Variants in RALGAPA2 observed in about 807,000 individuals in gnomAD.
RALGAPA2 encodes the protein ral GTPase-activating protein subunit alpha-2.
In RALGAPA2, 139 loss-of-function variants were observed where a neutral mutation model predicts 230.4. The observed-to-expected ratio is 0.60, with a 90% CI of 0.53 to 0.69. The LOEUF is 0.69. RALGAPA2 is among the 30% of genes least tolerant of loss of function. The probability of loss-of-function intolerance (pLI) is 0.00; values close to 1 mark genes in which losing one functional copy is unlikely to be tolerated. For missense variants in RALGAPA2, 2,163 were observed against 2,276.0 expected (o/e 0.95, Z 1.01); for synonymous variants, 847 against 837.8 (o/e 1.01, Z -0.19).
At chr20:20,676,767 G>A (rs1335288336) in intron 2 of RALGAPA2, among the ~76,000 whole-genome samples, 1 of 152,056 alleles carries the variant, frequency 6.6e-6, no homozygotes, top group East Asian at 1.9e-4. Flanking sequence ...TACCATTTTC[G>A]GTCCTCTCTG....
chr20:20,457,991 T>C (rs2061163551), intron 37 of RALGAPA2, among the ~76,000 whole-genome samples: 1 of 152,104 alleles, frequency 6.6e-6, no homozygotes, highest in Non-Finnish European at 1.5e-5. Flanking sequence ...GGGCCCCTGG[T>C]GAGGGTGAGC....
chr20:20,512,242 C>CACACAT (rs1556256091), intron 32 of RALGAPA2, among the ~76,000 whole-genome samples: 1 of 116,466 alleles, frequency 8.6e-6, no homozygotes, highest in African/African-American at 3.3e-5. Context: ...CACACACATA[C>CACACAT]ACACACACAC....
intron 37 of RALGAPA2, among the ~76,000 whole-genome samples, chr20:20,464,432 C>G (rs766613928): frequency 7.9e-5 from 12 of 152,212 alleles, no homozygotes; most frequent in Non-Finnish European, 1.2e-4. Context: ...TAAATGGACT[C>G]TGACAATGAA....
intron 16 of RALGAPA2, among the ~76,000 whole-genome samples, chr20:20,598,202 T>C (rs2065521202): frequency 1.3e-5 from 2 of 152,226 alleles, no homozygotes; most frequent in Non-Finnish European, 1.5e-5. Context: ...ATTTCAATAG[T>C]ATAAATCTAT....
At chr20:20,506,524 A>T (rs1454634923) in intron 33 of RALGAPA2, among the ~76,000 whole-genome samples, 1 of 152,198 alleles carries the variant, frequency 6.6e-6, no homozygotes, top group Non-Finnish European at 1.5e-5. Context: ...TTCATTCCCT[A>T]GCCCAATCAC....
At chr20:20,446,244 C>T (rs952124956) in intron 37 of RALGAPA2, among the ~76,000 whole-genome samples, 1 of 152,158 alleles carries the variant, frequency 6.6e-6, no homozygotes, top group South Asian at 2.1e-4. Context: ...CCCCTCTCAA[C>T]TTCCCCATTT....
chr20:20,711,305 C>A (rs2069853044), intron 1 of RALGAPA2, among the ~76,000 whole-genome samples: 1 of 152,162 alleles, frequency 6.6e-6, no homozygotes, highest in African/African-American at 2.4e-5. Flanking sequence ...ATGCAATATT[C>A]TTTCAAGTGA....
At chr20:20,536,842 A>G in intron 24 of RALGAPA2, 58 bp from the exon 25 acceptor site, 3 of 1,541,046 alleles carry the variant, frequency 1.9e-6, no homozygotes. Context: ...GAAACGTTAA[A>G]TAAGTGACAT....
chr20:20,459,070 C>T (rs993946979), intron 37 of RALGAPA2, among the ~76,000 whole-genome samples: 1 of 151,686 alleles, frequency 6.6e-6, no homozygotes, highest in African/African-American at 2.4e-5. Flanking sequence ...GTCCTCTTTG[C>T]AAAGTTTTGT....
chr20:20,581,464 C>CATAG (rs752262174), intron 20 of RALGAPA2, among the ~76,000 whole-genome samples: 6 of 152,100 alleles, frequency 3.9e-5, no homozygotes, highest in Non-Finnish European at 5.9e-5. Flanking sequence ...AAGGAGTAGA[C>CATAG]ATAGCACTGC....
intron 23 of RALGAPA2, among the ~76,000 whole-genome samples, chr20:20,556,770 GC>G: frequency 6.6e-6 from 1 of 152,150 alleles, no homozygotes; most frequent in East Asian, 1.9e-4. Flanking sequence ...AGGCCTCATT[GC>G]CAAAGCTCAG....
intron 3 of RALGAPA2, among the ~76,000 whole-genome samples, chr20:20,655,334 TA>T (rs879583983): frequency 4.7e-4 from 66 of 141,812 alleles, no homozygotes; most frequent in Middle Eastern, 3.5e-3. Context: ...ATTTTTTAAA[TA>T]AAAAAAAAAA....
chr20:20,403,086 C>T (rs536659134), intron 38 of RALGAPA2, among the ~76,000 whole-genome samples: 11 of 152,072 alleles, frequency 7.2e-5, no homozygotes, highest in Non-Finnish European at 1.3e-4. Flanking sequence ...TTAAAGTGCG[C>T]CCCCACCCCA....
rs747274430 is a variant in RALGAPA2, at chr20:20,584,816, GAACATATC to G, written c.2530+41_2530+48del. ...AATAATAAAATGTAAAAAGAAAATA[GAACATATC>G]AACTCTGTAGTTGGAGGAACAGACA... On this transcript the variant is annotated intron_variant, in intron 19 of 39. Coordinates refer to ENST00000202677, the MANE Select transcript of RALGAPA2 (RefSeq NM_020343.4). 6.1e-6 allele frequency: 8 copies of G among 1,314,932 alleles called. No homozygotes were observed. The Admixed American group carries it at 7.2e-5, about 12-fold the overall frequency. The allele number at this position is 1,314,932 out of a possible 1,614,324, so 81.5% of individuals were successfully genotyped here. A position where few individuals can be genotyped will look rare whatever the true frequency, so the allele number is the denominator to read the frequency against.
chr20:20,624,315 G>A (rs1377577015), intron 10 of RALGAPA2, among the ~76,000 whole-genome samples: 3 of 127,456 alleles, frequency 2.4e-5, no homozygotes, highest in African/African-American at 9.3e-5. Context: ...TGATGGGAGC[G>A]AGACTCCATC....
intron 37 of RALGAPA2, among the ~76,000 whole-genome samples, chr20:20,462,762 C>T (rs1463663762): frequency 6.6e-6 from 1 of 152,252 alleles, no homozygotes; most frequent in African/African-American, 2.4e-5. Flanking sequence ...CCAGGGCAGA[C>T]TCTGCACAGA....
At chr20:20,697,816 A>G (rs2069177269) in intron 1 of RALGAPA2, among the ~76,000 whole-genome samples, 1 of 152,166 alleles carries the variant, frequency 6.6e-6, no homozygotes, top group Non-Finnish European at 1.5e-5. Flanking sequence ...CACGGAACCA[A>G]AGGTAGAGAC....
At chr20:20,565,374 C>T (rs2064381964) in intron 23 of RALGAPA2, among the ~76,000 whole-genome samples, 1 of 152,182 alleles carries the variant, frequency 6.6e-6, no homozygotes, top group Non-Finnish European at 1.5e-5. Flanking sequence ...CATATGACTG[C>T]ATGATACAGG....
At chr20:20,619,009 A>G (rs936870317) in intron 12 of RALGAPA2, among the ~76,000 whole-genome samples, 1 of 152,232 alleles carries the variant, frequency 6.6e-6, no homozygotes, top group African/African-American at 2.4e-5. Flanking sequence ...GCCATTTCAT[A>G]TTCACTATAT....
Sources: gnomAD v4.1 joint callset for allele counts (sites outside exome capture counted in the v4.1 genomes callset) on GRCh38, gnomAD v4.1.1 for gene constraint, MANE v1.5 for transcripts, NCBI Gene and HGNC (gene_info 2026-07-23, HGNC 2026-07-21) for gene names.